Variants in ARID4B observed in about 807,000 individuals in gnomAD.
ARID4B encodes AT-rich interactive domain-containing protein 4B.
Under a neutral mutation model 147.5 loss-of-function variants are expected in ARID4B, and 26 were observed. The ratio of observed to expected loss-of-function variants is 0.18; its 90% CI spans 0.13 to 0.24. The LOEUF is 0.24. ARID4B is among the 10% of genes least tolerant of loss of function. ARID4B has a pLI of 1.00. For missense variants in ARID4B, 1,179 were observed against 1,511.5 expected (o/e 0.78, Z 3.65); for synonymous variants, 512 against 507.9 (o/e 1.01, Z -0.11).
At chr1:235,319,209 T>G (rs1163310350) in intron 2 of ARID4B, among the ~76,000 whole-genome samples, 2 of 152,196 alleles carry the variant, frequency 1.3e-5, no homozygotes, top group Non-Finnish European at 2.9e-5. Flanking sequence ...ACTAGAAATT[T>G]ATGAACACTT....
At chr1:235,265,047 T>G (rs1572108251) in intron 2 of ARID4B, among the ~76,000 whole-genome samples, 1 of 124,782 alleles carries the variant, frequency 8.0e-6, no homozygotes. Context: ...GCAACAAGAG[T>G]GAAACTTCGT....
chr1:235,224,876 C>T, intron 11 of ARID4B, 101 bp from the exon 12 acceptor site: 2 of 756,924 alleles, frequency 2.6e-6, no homozygotes, highest in East Asian at 2.7e-5. Context: ...CATTAAAATA[C>T]TTCAAAGGCT....
chr1:235,242,944 C>T (rs971803144), intron 7 of ARID4B, among the ~76,000 whole-genome samples: 2 of 152,124 alleles, frequency 1.3e-5, no homozygotes, highest in African/African-American at 4.8e-5. Flanking sequence ...ATTTCCACAG[C>T]ATTCACTTTT....
intron 2 of ARID4B, among the ~76,000 whole-genome samples, chr1:235,309,736 G>GGAAA (rs1673911373): frequency 6.6e-6 from 1 of 152,072 alleles, no homozygotes; most frequent in Admixed American, 6.5e-5. Context: ...TAGAAAGGGG[G>GGAAA]GAAAGGTGGG....
intron 2 of ARID4B, among the ~76,000 whole-genome samples, chr1:235,268,904 G>GT (rs1422712051): frequency 6.6e-6 from 1 of 152,166 alleles, no homozygotes; most frequent in African/African-American, 2.4e-5. Flanking sequence ...GTAAAGAAAT[G>GT]GTGCGATTAA....
intron 23 of ARID4B, among the ~76,000 whole-genome samples, chr1:235,170,778 C>T (rs6666401): frequency 0.46 from 70,114 of 151,060 alleles, 16,581 homozygotes; most frequent in South Asian, 0.6. Flanking sequence ...CTGGGCATGG[C>T]GGCACGCACC....
chr1:235,221,886 ATTTTTTTTTTTTTTTTTTTTTT>A (rs768600040), intron 13 of ARID4B, among the ~76,000 whole-genome samples: 1 of 53,632 alleles, frequency 1.9e-5, no homozygotes, highest in Non-Finnish European at 3.2e-5. Flanking sequence ...TCATTTGACT[ATTTTTTTTTTTTTTTTTTTTTT>A]TTTTTTTTTT....
chr1:235,212,274 C>A (rs963768878), intron 17 of ARID4B, among the ~76,000 whole-genome samples: 3 of 151,842 alleles, frequency 2.0e-5, no homozygotes, highest in Non-Finnish European at 4.4e-5. Flanking sequence ...AAACAAAAAA[C>A]AGAAAAAAAG....
chr1:235,303,140 G>T (rs1673304921), intron 2 of ARID4B, among the ~76,000 whole-genome samples: 1 of 151,718 alleles, frequency 6.6e-6, no homozygotes. Flanking sequence ...AGCCACGATG[G>T]TCTCAATCTC....
rs1316942204 is a variant in ARID4B at position 235,182,348 on chromosome 1, A to G, written c.2571T>C (p.Ser857=). 1.2e-6 allele frequency: 2 copies of G among 1,612,958 alleles called. No homozygotes were observed. Among genetic ancestry groups the G allele is most frequent in the Admixed American group, 3.3e-5 (2 of 59,736 alleles). Residue 857 remains serine, a synonymous_variant, in exon 20 of 24, where the codon AGT becomes AGC. Transcript: ENST00000264183. ...KNKESLCMEN[S]SNSSSDEDEE... is the part of the protein sequence containing the mutation. ...CATCTTCATCTGAAGAGCTGTTGCT[A>G]CTGTTTTCCATGCAAAGTGATTCTT...
intron 2 of ARID4B, among the ~76,000 whole-genome samples, chr1:235,266,913 G>C (rs1353313741): frequency 6.6e-6 from 1 of 152,130 alleles, no homozygotes; most frequent in African/African-American, 2.4e-5. Context: ...AAAAAGTGAG[G>C]GATTCAAATT....
intron 2 of ARID4B, among the ~76,000 whole-genome samples, chr1:235,315,668 C>T (rs1253904706): frequency 6.6e-6 from 1 of 152,170 alleles, no homozygotes; most frequent in African/African-American, 2.4e-5. Flanking sequence ...TTAGCCCGTT[C>T]TACCACCTTA....
At chr1:235,217,538 T>C (rs1193340163) in intron 16 of ARID4B, among the ~76,000 whole-genome samples, 1 of 152,204 alleles carries the variant, frequency 6.6e-6, no homozygotes, top group African/African-American at 2.4e-5. Context: ...AGGATTTTCA[T>C]CTGAATTCAC....
At chr1:235,236,833 A>AAAAAATATATATATATATATATATATAT (rs1175189621) in intron 8 of ARID4B, among the ~76,000 whole-genome samples, 1 of 33,522 alleles carries the variant, frequency 3.0e-5, no homozygotes, top group Non-Finnish European at 4.7e-5. Flanking sequence ...TTTTATAAAA[A>AAAAAATATATATATATATATATATATAT]ATATATATAT....
intron 11 of ARID4B, chr1:235,228,254 A>AAAGCAT (rs1667956943): frequency 1.3e-5 from 2 of 151,276 alleles, no homozygotes; most frequent in African/African-American, 4.9e-5. Context: ...ATGGTAATGA[A>AAAGCAT]AAGCATTTTA....
At chr1:235,285,188 G>T (rs1671896551) in intron 2 of ARID4B, among the ~76,000 whole-genome samples, 1 of 152,130 alleles carries the variant, frequency 6.6e-6, no homozygotes, top group South Asian at 2.1e-4. Flanking sequence ...TTAGAGGTGT[G>T]AGCCATCACG....
chr1:235,205,211 G>C (rs888403150), intron 17 of ARID4B, among the ~76,000 whole-genome samples: 2 of 152,014 alleles, frequency 1.3e-5, no homozygotes, highest in Middle Eastern at 3.4e-3. Context: ...GCAGGGATCA[G>C]ATTACATGGA....
chr1:235,177,995 T>C lies in ARID4B; in HGVS notation c.3335-82A>G, dbSNP rs191077289. 113 of 757,398 alleles carry C rather than the reference T, an allele frequency of 1.5e-4. No homozygotes were observed. In the East Asian group the frequency reaches 2.3e-3, roughly 15 times the overall value. The allele number at this position is 757,398 out of a possible 1,614,324, so 46.9% of individuals were successfully genotyped here. A position where few individuals can be genotyped will look rare whatever the true frequency, so the allele number is the denominator to read the frequency against. ...AAATTAATTCCACATTTTAGAAACA[T>C]AGAACAATCCAAAACTACATGTTCT... On this transcript the variant is annotated intron_variant, in intron 20 of 23. Transcript: ENST00000264183.
chr1:235,260,634 T>G lies in ARID4B; in HGVS notation c.117+8A>C. 2 of 1,573,022 alleles carry G rather than the reference T, an allele frequency of 1.3e-6. No individual in the cohort carries two copies. The highest frequency in any genetic ancestry group is 1.7e-6 in the Non-Finnish European group (2 of 1,152,742). ...ACATACAATTTATGAAATCTATAAA[T>G]ACTGTACCTTGACTTTGACAAGTCT... On this transcript the variant is annotated splice_region_variant and intron_variant, in intron 3 of 23. Coordinates refer to ENST00000264183, the MANE Select transcript of ARID4B (RefSeq NM_016374.6).
Sources: allele counts gnomAD v4.1 joint callset (sites outside exome capture counted in the v4.1 genomes callset), GRCh38; gene constraint gnomAD v4.1.1; transcripts MANE v1.5; gene names NCBI Gene and HGNC (gene_info 2026-07-23, HGNC 2026-07-21).